TOPBP1: variants seen among roughly 807,000 people sequenced by gnomAD.
TOPBP1 encodes DNA topoisomerase 2-binding protein 1.
TOPBP1 carries 28 observed loss-of-function variants against 167.7 expected under a neutral mutation model. The ratio of observed to expected loss-of-function variants is 0.17; its 90% confidence interval spans 0.12 to 0.23. The LOEUF (loss-of-function observed/expected upper bound fraction) is 0.23. TOPBP1 is among the 10% of genes least tolerant of loss of function. TOPBP1 has a pLI of 1.00. For synonymous variants in TOPBP1, 598 were observed against 611.4 expected, an observed-to-expected ratio of 0.98 and a Z score of 0.32; for missense variants, 1,554 against 1,809.6, an observed-to-expected ratio of 0.86 and a Z score of 2.56.
chr3:133,631,383 A>G (rs1935473120), intron 14 of TOPBP1, among the ~76,000 whole-genome samples: 1 of 152,210 alleles, frequency 6.6e-6, no homozygotes, highest in African/African-American at 2.4e-5. Flanking sequence ...CACTGTTTTA[A>G]CTACTGCAAC....
chr3:133,630,196 A>C (rs2107796757), intron 14 of TOPBP1, among the ~76,000 whole-genome samples: 1 of 151,910 alleles, frequency 6.6e-6, no homozygotes, highest in African/African-American at 2.4e-5. Context: ...GTATGAATAT[A>C]CTTTTATATT....
rs762156363 is a variant in TOPBP1, at chr3:133,623,272, A to G, written c.3075+39T>C. ...CATAGCAATATATGATTATACCTTTAGCTTAAGAGGGGGTAAATGTATCAT... is the reference window on the plus strand; with the variant it reads ...CATAGCAATATATGATTATACCTTTGGCTTAAGAGGGGGTAAATGTATCAT... On this transcript the variant is annotated intron_variant, in intron 18 of 27. Coordinates refer to ENST00000260810, the MANE Select transcript of TOPBP1 (RefSeq NM_007027.4). 22 of 1,612,648 alleles carry G rather than the reference A, an allele frequency of 1.4e-5. No homozygotes were observed. In the African/African-American group the frequency reaches 2.4e-4, roughly 18 times the overall value.
chr3:133,650,367 G>GC (rs1936247650), intron 8 of TOPBP1, among the ~76,000 whole-genome samples: 1 of 109,890 alleles, frequency 9.1e-6, no homozygotes, highest in Non-Finnish European at 1.8e-5. Flanking sequence ...GTGTGTGTGG[G>GC]GGGCGGGGGG....
At chr3:133,661,373 T>C (rs1011658874) in intron 1 of TOPBP1, among the ~76,000 whole-genome samples, 6 of 152,160 alleles carry the variant, frequency 3.9e-5, no homozygotes, top group Admixed American at 3.9e-4. Context: ...TTGAATACAC[T>C]GAGGAAGGCC....
chr3:133,624,028 G>C (rs751479754), intron 17 of TOPBP1, 24 bp downstream of exon 17: 4 of 1,599,484 alleles, frequency 2.5e-6, no homozygotes, highest in East Asian at 4.5e-5. Context: ...TAACAGAGAT[G>C]GGGGGGAAAA....
At position 133,608,870 on chromosome 3, in the gene TOPBP1, A is replaced by C. The variant is rs1476124737; in HGVS notation, c.4263+3T>G. On this transcript the variant is annotated splice_donor_region_variant and intron_variant, in intron 26 of 27. Coordinates refer to ENST00000260810, the MANE Select transcript of TOPBP1 (RefSeq NM_007027.4). ...AAGGTCAGTAAATTAATTTGATACAAACCTTTGCTCCTCCTGACTGAAGAA... is the reference window on the plus strand; with the variant it reads ...AAGGTCAGTAAATTAATTTGATACACACCTTTGCTCCTCCTGACTGAAGAA... The C allele has an allele frequency of 6.2e-7, 1 of 1,606,656 alleles. No homozygotes were observed. The highest frequency in any genetic ancestry group is 8.5e-7 in the Non-Finnish European group (1 of 1,177,918).
chr3:133,652,710 C>T (rs1576313835), intron 7 of TOPBP1, 81 bp from the exon 8 acceptor site: 1 of 1,208,910 alleles, frequency 8.3e-7, no homozygotes, highest in East Asian at 2.4e-5. Context: ...ACTTTTCTTA[C>T]AAATATAGGG....
chr3:133,603,518 A>G (rs1934380949), intron 27 of TOPBP1, among the ~76,000 whole-genome samples: 1 of 152,210 alleles, frequency 6.6e-6, no homozygotes, highest in Non-Finnish European at 1.5e-5. Flanking sequence ...ATTAAAAACC[A>G]TGCAAAGAGA....
At chr3:133,640,984 G>A (rs1267332237) in intron 12 of TOPBP1, among the ~76,000 whole-genome samples, 1 of 152,134 alleles carries the variant, frequency 6.6e-6, no homozygotes, top group African/African-American at 2.4e-5. Flanking sequence ...TACGACTTGA[G>A]ATTGAACAGA....
At chr3:133,603,083 A>G (rs1431092409) in intron 27 of TOPBP1, among the ~76,000 whole-genome samples, 1 of 151,854 alleles carries the variant, frequency 6.6e-6, no homozygotes, top group Non-Finnish European at 1.5e-5. Context: ...TTTAGTAGAG[A>G]CACGGTTTCA....
At chr3:133,624,235 T>C in intron 16 of TOPBP1, 60 bp from the exon 17 acceptor site, 1 of 1,569,126 alleles carries the variant, frequency 6.4e-7, no homozygotes, top group Non-Finnish European at 8.7e-7. Context: ...TAGTTTAAGA[T>C]GATTCTTATT....
intron 2 of TOPBP1, among the ~76,000 whole-genome samples, chr3:133,659,723 C>A (rs985495736): frequency 2.0e-5 from 3 of 152,034 alleles, no homozygotes; most frequent in African/African-American, 7.2e-5. Context: ...AAATACCCTT[C>A]CTCTACCCTT....
intron 27 of TOPBP1, among the ~76,000 whole-genome samples, chr3:133,603,050 G>C (rs558707406): frequency 6.6e-5 from 10 of 151,638 alleles, no homozygotes; most frequent in African/African-American, 2.4e-4. Flanking sequence ...TGTGCGCCAC[G>C]ACACCCAGCT....
At chr3:133,648,348 G>C (rs1311620102) in intron 10 of TOPBP1, among the ~76,000 whole-genome samples, 1 of 152,244 alleles carries the variant, frequency 6.6e-6, no homozygotes, top group East Asian at 1.9e-4. Context: ...CAAAGAAACA[G>C]TTAAACGTGT....
Position 133,642,204 on chromosome 3 carries a change from A to G in TOPBP1, c.2021+996T>C, listed in dbSNP as rs377041872. Among the ~76,000 whole-genome samples, 8 of 151,962 alleles carry G rather than the reference A, an allele frequency of 5.3e-5. 1 individual carries two copies. The highest frequency in any genetic ancestry group is 1.9e-4 in the East Asian group (1 of 5,160). ...TAGAGACGAGGTCTCACTATGTTGT[A>G]CAGGCTGGTCTTGAACTCCTGAGCT... On this transcript the variant is annotated intron_variant, in intron 12 of 27. Transcript: ENST00000260810.
chr3:133,627,405 T>A (rs888981257), intron 16 of TOPBP1, among the ~76,000 whole-genome samples: 1 of 152,154 alleles, frequency 6.6e-6, no homozygotes. Context: ...ATAGGTAACA[T>A]AATAGGTAAT....
intron 2 of TOPBP1, 35 bp downstream of exon 2, chr3:133,661,009 T>C: frequency 1.4e-6 from 2 of 1,464,968 alleles, no homozygotes; most frequent in Non-Finnish European, 9.2e-7. Context: ...AACAAGAAAA[T>C]GAATTCACGG....
At position 133,628,748 on chromosome 3, in the gene TOPBP1, GA is replaced by G. The variant is rs757122402; in HGVS notation, c.2521-16del. The stretch of plus-strand genomic sequence containing the variant: ...GCAAGTGCATCCTATACATATGAAG[GA>G]GAGAGAGAGATGGAGAAAAGAAGAG... On this transcript the variant is annotated splice_polypyrimidine_tract_variant and intron_variant, in intron 14 of 27. Coordinates refer to ENST00000260810, the MANE Select transcript of TOPBP1 (RefSeq NM_007027.4). 1 of 1,540,866 alleles carries G rather than the reference GA, an allele frequency of 6.5e-7. No individual in the cohort carries two copies. The highest frequency in any genetic ancestry group is 8.8e-7 in the Non-Finnish European group (1 of 1,139,546).
intron 27 of TOPBP1, among the ~76,000 whole-genome samples, chr3:133,606,297 A>G (rs1002726469): frequency 1.3e-5 from 2 of 152,174 alleles, no homozygotes; most frequent in East Asian, 3.8e-4. Context: ...ATAGCATCAC[A>G]AAATAGGAAT....
Sources: allele counts gnomAD v4.1 joint callset (sites outside exome capture counted in the v4.1 genomes callset), GRCh38; gene constraint gnomAD v4.1.1; transcripts MANE v1.5; gene names NCBI Gene and HGNC (gene_info 2026-07-23, HGNC 2026-07-21).